NKAIN3: variants seen among roughly 807,000 people sequenced by gnomAD.
NKAIN3 encodes sodium/potassium-transporting ATPase subunit beta-1-interacting protein 3.
Under a neutral mutation model 30.2 loss-of-function variants are expected in NKAIN3, and 25 were observed. That is an observed-to-expected ratio of 0.83 (90% CI 0.60 to 1.16). NKAIN3 has a LOEUF of 1.16. Among genes scored for constraint, NKAIN3 ranks in the 50% most tolerant of loss-of-function variants. The pLI, the probability that NKAIN3 is intolerant of heterozygous loss-of-function variation, is 0.00. For missense variants in NKAIN3, 225 were observed against 254.1 expected (o/e 0.89, Z 0.78); for synonymous variants, 91 against 89.6 (o/e 1.02, Z -0.09).
chr8:62,780,181 GA>G (rs1159594900), intron 4 of NKAIN3, among the ~76,000 whole-genome samples: 1 of 151,998 alleles, frequency 6.6e-6, no homozygotes, highest in East Asian at 1.9e-4. Context: ...TAACAAACTG[GA>G]AAACCCTGAG....
intron 4 of NKAIN3, among the ~76,000 whole-genome samples, chr8:62,873,284 C>T (rs1314682516): frequency 6.6e-6 from 1 of 151,948 alleles, no homozygotes. Flanking sequence ...ACAAGAAGAG[C>T]TAACTATTCT....
intron 5 of NKAIN3, among the ~76,000 whole-genome samples, chr8:62,994,556 G>GTTCATTCATTCA (rs202064359): frequency 6.6e-6 from 1 of 152,112 alleles, no homozygotes; most frequent in African/African-American, 2.4e-5. Flanking sequence ...GACACTTCAA[G>GTTCATTCATTCA]TTCATTCATT....
rs1005707732 is a variant in NKAIN3, at chr8:62,969,518, T to A, written c.*4111T>A. On this transcript the variant is annotated 3_prime_UTR_variant, in exon 7 of 7. Coordinates refer to ENST00000623646, the MANE Select transcript of NKAIN3 (RefSeq NM_001304533.3). Reference sequence around the variant, plus strand: ...CCCAAATATGGTCTATTCTGGCTAATCATTTTTTAAGCAAATCCTCACTTA... The same window carrying A: ...CCCAAATATGGTCTATTCTGGCTAAACATTTTTTAAGCAAATCCTCACTTA... 6.6e-6 allele frequency among the ~76,000 whole-genome samples: 1 copy of A among 152,232 alleles called. No individual in the cohort carries two copies. Among genetic ancestry groups the A allele is most frequent in the African/African-American group, 2.4e-5 (1 of 41,470 alleles).
chr8:62,333,100 C>A (rs906462173), intron 1 of NKAIN3, among the ~76,000 whole-genome samples: 1 of 152,090 alleles, frequency 6.6e-6, no homozygotes, highest in Non-Finnish European at 1.5e-5. Context: ...TTTTGATTTT[C>A]CATTACACAA....
chr8:62,312,128 G>C lies in NKAIN3; in HGVS notation c.54+63001G>C, dbSNP rs980780814. 3.5e-4 allele frequency among the ~76,000 whole-genome samples: 53 copies of C among 150,600 alleles called. 4 individuals carry two copies. The highest frequency in any genetic ancestry group is 1.2e-3 in the African/African-American group (49 of 39,998). The stretch of plus-strand genomic sequence containing the variant: ...AGTAAAATGTCAACATGACTTCAAA[G>C]AGAAAAAGGAACTACATAAGATTTC... On this transcript the variant is annotated intron_variant, in intron 1 of 6. Coordinates refer to ENST00000623646, the MANE Select transcript of NKAIN3 (RefSeq NM_001304533.3).
chr8:62,798,326 C>T (rs1233664849), intron 4 of NKAIN3, among the ~76,000 whole-genome samples: 1 of 152,128 alleles, frequency 6.6e-6, no homozygotes, highest in Admixed American at 6.6e-5. Flanking sequence ...AATCCCAGCA[C>T]TTTGGGAGGC....
intron 1 of NKAIN3, among the ~76,000 whole-genome samples, chr8:62,306,327 T>A (rs561833678): frequency 6.7e-6 from 1 of 149,672 alleles, no homozygotes; most frequent in Admixed American, 6.6e-5. Flanking sequence ...GAAGGGGAGG[T>A]GGGCAGTAAT....
chr8:62,372,454 ATTC>A (rs1436167138), intron 1 of NKAIN3, among the ~76,000 whole-genome samples: 1 of 151,908 alleles, frequency 6.6e-6, no homozygotes, highest in Admixed American at 6.6e-5. Context: ...AATATATGGT[ATTC>A]TTCTTGAATG....
chr8:62,527,912 T>TGA (rs1808357996), intron 1 of NKAIN3, among the ~76,000 whole-genome samples: 3 of 147,878 alleles, frequency 2.0e-5, no homozygotes, highest in African/African-American at 7.5e-5. Flanking sequence ...TGTGTGTGTG[T>TGA]GTGTGACAGA....
chr8:62,643,547 T>C (rs1479649769), intron 3 of NKAIN3, among the ~76,000 whole-genome samples: 4 of 152,122 alleles, frequency 2.6e-5, no homozygotes, highest in African/African-American at 9.6e-5. Context: ...GGTTCCCTGA[T>C]TGTGCAGCTT....
At position 62,882,195 on chromosome 8, in the gene NKAIN3, G is replaced by A. The variant is rs1821003520; in HGVS notation, c.472-36258G>A. 2.0e-5 allele frequency among the ~76,000 whole-genome samples: 3 copies of A among 152,160 alleles called. No homozygotes were observed. The South Asian group carries it at 6.2e-4, about 32-fold the overall frequency. On this transcript the variant is annotated intron_variant, in intron 4 of 6. Coordinates refer to ENST00000623646, the MANE Select transcript of NKAIN3 (RefSeq NM_001304533.3). ...TTGCATATGTTTTTTCCCAGAATGT[G>A]ACTTATCTTCTCCTTCTCTTGAAAC...
chr8:62,312,475 C>G (rs1380198941), intron 1 of NKAIN3, among the ~76,000 whole-genome samples: 1 of 150,404 alleles, frequency 6.6e-6, no homozygotes, highest in Non-Finnish European at 1.5e-5. Context: ...AAAAGAGAGA[C>G]AGGCAAATAT....
chr8:62,533,264 A>G (rs1302741427), intron 1 of NKAIN3, among the ~76,000 whole-genome samples: 3 of 152,230 alleles, frequency 2.0e-5, no homozygotes, highest in Non-Finnish European at 4.4e-5. Flanking sequence ...TCGAGGGGAC[A>G]CATGTAAAAA....
exon 6 of NKAIN3, chr8:62,999,540 A>G (rs1372300007): frequency 6.6e-6 from 1 of 152,222 alleles, no homozygotes; most frequent in African/African-American, 2.4e-5. Context: ...CAAATATCAA[A>G]ACTATATCAT....
intron 1 of NKAIN3, among the ~76,000 whole-genome samples, chr8:62,518,496 G>A (rs528413737): frequency 3.3e-5 from 5 of 152,206 alleles, no homozygotes; most frequent in African/African-American, 9.6e-5. Flanking sequence ...CCTCCTTGGG[G>A]TGTTGGAATA....
intron 3 of NKAIN3, among the ~76,000 whole-genome samples, chr8:62,652,191 C>G (rs1812643096): frequency 6.6e-6 from 1 of 152,090 alleles, no homozygotes; most frequent in Non-Finnish European, 1.5e-5. Flanking sequence ...TTCAATGTAT[C>G]AATTTTGAGA....
intron 3 of NKAIN3, among the ~76,000 whole-genome samples, chr8:62,722,754 A>G (rs928882509): frequency 6.6e-6 from 1 of 152,130 alleles, no homozygotes. Flanking sequence ...TCCCACACAG[A>G]CACATCAAAA....
At chr8:62,411,257 A>G (rs1431945533) in intron 1 of NKAIN3, among the ~76,000 whole-genome samples, 26 of 152,226 alleles carry the variant, frequency 1.7e-4, no homozygotes, top group Non-Finnish European at 4.4e-5. Context: ...TACAGAAATC[A>G]ATAAATGTAA....
chr8:62,860,622 A>G (rs1054573417), intron 4 of NKAIN3, among the ~76,000 whole-genome samples: 2 of 152,214 alleles, frequency 1.3e-5, no homozygotes, highest in African/African-American at 4.8e-5. Flanking sequence ...CTTCCTGCTA[A>G]ACAAGTTCCT....
Sources: gnomAD v4.1 joint callset for allele counts (sites outside exome capture counted in the v4.1 genomes callset) on GRCh38, gnomAD v4.1.1 for gene constraint, MANE v1.5 for transcripts, NCBI Gene and HGNC (gene_info 2026-07-23, HGNC 2026-07-21) for gene names.